OBSL1: variants seen among roughly 807,000 people sequenced by gnomAD.
OBSL1 encodes the protein obscurin-like protein 1.
Under a neutral mutation model 172.0 loss-of-function variants are expected in OBSL1, and 160 were observed. The ratio of observed to expected loss-of-function variants is 0.93; its 90% CI spans 0.82 to 1.06. The LOEUF (loss-of-function observed/expected upper bound fraction) is 1.06, where lower values mean the gene tolerates loss of function less well. OBSL1 is among the 50% of genes least tolerant of loss of function. The probability of loss-of-function intolerance (pLI) is 0.00; values close to 1 mark genes in which losing one functional copy is unlikely to be tolerated. For synonymous variants in OBSL1, 1,200 were observed against 1,196.3 expected (o/e 1.00, Z -0.06); for missense variants, 2,681 against 2,715.4 (o/e 0.99, Z 0.28).
At chr2:219,551,860 T>G in intron 19 of OBSL1, 62 bp from the exon 20 acceptor site, 1 of 1,066,866 alleles carries the variant, frequency 9.4e-7, no homozygotes. Flanking sequence ...GGAGGAGAGA[T>G]GCATCTTCCC....
rs752239120 is a variant in OBSL1, at chr2:219,554,513, C to T, written c.4837G>A (p.Ala1613Thr). The T allele has an allele frequency of 6.2e-7, 1 of 1,613,354 alleles. No homozygotes were observed. The highest frequency in any genetic ancestry group is 8.5e-7 in the Non-Finnish European group (1 of 1,179,886). ...LADSGCVSFT[A>T]DSLRCAARLI... ...CTGGCTGCGCAGCGCAGGGAATCCG[C>T]TGTGAAGGAGACACAGCCTGAGTCG... Residue 1613 changes from alanine to threonine, a missense_variant, in exon 15 of 21, where the codon GCG (alanine) becomes ACG (threonine). Coordinates refer to ENST00000404537, the MANE Select transcript of OBSL1 (RefSeq NM_015311.3).
At chr2:219,554,898 C>T (rs754736249) in intron 14 of OBSL1, 158 bp from the exon 15 acceptor site, 29 of 721,838 alleles carry the variant, frequency 4.0e-5, no homozygotes, top group East Asian at 5.5e-5. Context: ...GAAAGGAGCA[C>T]GGTGGACAGA....
chr2:219,548,125 C>A, downstream of OBSL1: 3 of 1,458,528 alleles, frequency 2.1e-6, no homozygotes, highest in Non-Finnish European at 2.7e-6. Flanking sequence ...GAGTGGGTGG[C>A]CAGGGATGGG....
intron 8 of OBSL1, among the ~76,000 whole-genome samples, chr2:219,559,930 T>C (rs1242682183): frequency 2.0e-5 from 3 of 152,348 alleles, no homozygotes; most frequent in Non-Finnish European, 2.9e-5. Context: ...AATTAAAGCA[T>C]AGAAATAGCT....
chr2:219,563,258 G>A, intron 7 of OBSL1, 97 bp downstream of exon 7: 2 of 1,286,434 alleles, frequency 1.6e-6, no homozygotes, highest in Middle Eastern at 2.1e-4. Flanking sequence ...GGCAGTAGGG[G>A]CGGGGAACAG....
At chr2:219,550,173 C>T (rs2106000200), downstream of OBSL1, 1 of 266,316 alleles carries the variant, frequency 3.8e-6, no homozygotes, top group East Asian at 7.1e-5. Context: ...GGGACCCTTG[C>T]CTTAGATTTC....
At chr2:219,562,269 G>C in intron 8 of OBSL1, 133 bp downstream of exon 8, 1 of 1,162,928 alleles carries the variant, frequency 8.6e-7, no homozygotes, top group Non-Finnish European at 1.2e-6. Flanking sequence ...GCTCATCTCA[G>C]CAAGAACCCT....
Position 219,567,366 on chromosome 2 carries a change from C to G in OBSL1, c.1744G>C (p.Val582Leu). 6.2e-7 allele frequency: 1 copy of G among 1,612,762 alleles called. No individual in the cohort carries two copies. The highest frequency in any genetic ancestry group is 8.5e-7 in the Non-Finnish European group (1 of 1,179,328). Reference protein sequence around the residue: ...AGAVEVPGDCVPSEGDYRFRI... With the variant: ...AGAVEVPGDCLPSEGDYRFRI... ...AAGCGGTAGTCACCCTCGGAGGGCA[C>G]ACAGTCGCCCGGCACCTCCACGGCT... Residue 582 changes from valine to leucine, a missense_variant, in exon 4 of 21, where the codon GTG becomes CTG. Val to Leu is a conservative substitution (Grantham distance 32). Coordinates refer to ENST00000404537, the MANE Select transcript of OBSL1 (RefSeq NM_015311.3).
intron 14 of OBSL1, 152 bp downstream of exon 14, chr2:219,555,867 GT>G (rs1464417629): frequency 2.1e-6 from 3 of 1,444,400 alleles, no homozygotes; most frequent in Non-Finnish European, 2.7e-6. Context: ...AAAAAGAAAA[GT>G]TTTGCTTTGG....
chr2:219,565,968 G>T (rs113069572), intron 5 of OBSL1, among the ~76,000 whole-genome samples: 47 of 152,246 alleles, frequency 3.1e-4, no homozygotes, highest in African/African-American at 1.1e-3. Context: ...AACTTTGAGC[G>T]CCCCACCTCC....
In OBSL1 at chr2:219,556,445, G is replaced by C. The variant is rs368631206; in HGVS notation, c.4336+9C>G. On this transcript the variant is annotated intron_variant, in intron 13 of 20. Transcript: ENST00000404537. ...GACACAGAGTATCTCATCCTCATCA[G>C]GACCTAACCTCGAACATGGAGCCGG... The C allele has an allele frequency of 3.5e-5, 56 of 1,613,738 alleles. No individual in the cohort carries two copies. In the African/African-American group the frequency reaches 6.7e-4, roughly 19 times the overall value.
In OBSL1 at chr2:219,562,526, C is replaced by T. The variant is rs371742776; in HGVS notation, c.2829G>A (p.Ala943=). The change falls in exon 8 of 21, where the codon GCG becomes GCA. Residue 943 remains alanine (A), a synonymous_variant. Coordinates refer to ENST00000404537, the MANE Select transcript of OBSL1 (RefSeq NM_015311.3). ...KDGEEVVESP[A]LLLQKEDTVR... is the part of the protein sequence containing the mutation. ...CAGTGTCTTCCTTCTGCAGGAGCAG[C>T]GCGGGGCTCTCCACCACCTCCTCTC... 3.7e-5 allele frequency: 59 copies of T among 1,613,850 alleles called. No individual in the cohort carries two copies. The highest frequency in any genetic ancestry group is 9.3e-5 in the African/African-American group (7 of 74,930).
At position 219,567,809 on chromosome 2, in the gene OBSL1, G is replaced by A. The variant is rs373882420; in HGVS notation, c.1443C>T (p.Ala481=). 1 of 1,613,946 alleles carries A rather than the reference G, an allele frequency of 6.2e-7. No individual in the cohort carries two copies. ...ICQSSSGHMH[A]LVLPGVTRED... ...CTCGGGTGACCCCTGGAAGGACCAG[G>A]GCATGCATGTGGCCTGAGCTGCTCT... is the stretch of plus-strand genomic sequence containing the variant. The change falls in exon 3 of 21, where the codon GCC becomes GCT. Residue 481 remains alanine, a synonymous_variant. Coordinates refer to ENST00000404537, the MANE Select transcript of OBSL1 (RefSeq NM_015311.3).
rs1233730739 is a variant in OBSL1, at chr2:219,558,381, C to T, written c.3305G>A (p.Arg1102His). The T allele has an allele frequency of 2.5e-5, 40 of 1,609,170 alleles. No homozygotes were observed. Among genetic ancestry groups the T allele is most frequent in the East Asian group, 1.1e-4 (5 of 44,728 alleles). The change falls in exon 10 of 21, where the codon CGC becomes CAC. Residue 1102 changes from arginine to histidine, a missense_variant. Arg to His is a conservative substitution (Grantham distance 29, BLOSUM62 0). Coordinates refer to ENST00000404537, the MANE Select transcript of OBSL1 (RefSeq NM_015311.3). ...HFGAPGRVEL[R>H]CEVAPAGSQV... The stretch of plus-strand genomic sequence containing the variant: ...AGACCCAGCTGGGGCCACCTCACAG[C>T]GCAGCTCCACGCGCCCTGGAGCCCC...
chr2:219,563,192 T>C (rs1280288731), intron 7 of OBSL1, 163 bp downstream of exon 7: 3 of 685,606 alleles, frequency 4.4e-6, no homozygotes, highest in African/African-American at 3.6e-5. Flanking sequence ...GTTTCCTGAA[T>C]GTGACTAGAC....
rs755820800 is a variant in OBSL1 at position 219,567,357 on chromosome 2, C to A, written c.1753G>T (p.Glu585Ter). The change falls in exon 4 of 21, where the codon GAG becomes TAG. Residue 585 changes from glutamate (E) to a stop codon, truncating the protein, a stop_gained. Coordinates refer to ENST00000404537, the MANE Select transcript of OBSL1 (RefSeq NM_015311.3). LOFTEE classifies it high-confidence loss of function. ...CAGATGCGGAAGCGGTAGTCACCCT[C>A]GGAGGGCACACAGTCGCCCGGCACC... ...VEVPGDCVPSEGDYRFRICTV... is the reference protein window; with the variant it reads ...VEVPGDCVPS The A allele has an allele frequency of 1.2e-6, 2 of 1,612,460 alleles. No individual in the cohort carries two copies. Among genetic ancestry groups the A allele is most frequent in the Non-Finnish European group, 8.5e-7 (1 of 1,179,188 alleles).
chr2:219,568,236 G>C lies in OBSL1; in HGVS notation c.1101C>G (p.Ser367=), dbSNP rs1306643827. ...CACGGAACCAGGCCGTGGGGATGCG[G>C]GAGTTGGGTACTTTACATTCCAGCA... ...IAVLECKVPN[S]RIPTAWFRED... Residue 367 remains serine (S), a synonymous_variant, in exon 2 of 21, where the codon TCC becomes TCG. Transcript: ENST00000404537. The surrounding 1 kb of genome is among the most constrained non-coding windows in gnomAD (Gnocchi z 4.1). 1.2e-6 allele frequency: 2 copies of C among 1,613,362 alleles called. No individual in the cohort carries two copies. The highest frequency in any genetic ancestry group is 1.7e-6 in the Non-Finnish European group (2 of 1,179,776).
At chr2:219,559,128 A>AGGCTGG in intron 9 of OBSL1, 97 bp downstream of exon 9, 1 of 1,159,930 alleles carries the variant, frequency 8.6e-7, no homozygotes, top group Non-Finnish European at 1.2e-6. Context: ...GATAAGGGGA[A>AGGCTGG]GGCTGGGGAT....
chr2:219,559,640 T>C (rs1273502206), intron 8 of OBSL1, 143 bp from the exon 9 acceptor site: 2 of 733,940 alleles, frequency 2.7e-6, no homozygotes, highest in East Asian at 5.5e-5. Context: ...GTCCACAGTT[T>C]GTTCTCTGAA....
Sources: gnomAD v4.1 joint callset for allele counts (sites outside exome capture counted in the v4.1 genomes callset) on GRCh38, gnomAD v4.1.1 for gene constraint, Gnocchi (gnomAD v3.1) non-coding constraint, MANE v1.5 for transcripts, NCBI Gene and HGNC (gene_info 2026-07-23, HGNC 2026-07-21) for gene names.